SEZ6: variants seen among roughly 807,000 people sequenced by gnomAD.
The protein encoded by SEZ6 is seizure related 6 homolog.
In SEZ6, 53 loss-of-function variants were observed where a neutral mutation model predicts 101.0. That is an observed-to-expected ratio of 0.52 (90% CI 0.42 to 0.66). SEZ6 has a LOEUF of 0.66. SEZ6 is among the 30% of genes least tolerant of loss of function. SEZ6 has a pLI of 0.00. For missense variants in SEZ6, 1,102 were observed against 1,289.4 expected (o/e 0.85, Z 2.23); for synonymous variants, 488 against 512.2 (o/e 0.95, Z 0.64).
Position 29,005,679 on chromosome 17 carries a change from G to T in SEZ6, c.55+136C>A. Reference sequence around the variant, plus strand: ...CGCCCCGCCCGGCTTGGCCGGCGCCGGGGGCAGCGCAGCCGGCGGGGCGCG... The same window carrying T: ...CGCCCCGCCCGGCTTGGCCGGCGCCTGGGGCAGCGCAGCCGGCGGGGCGCG... On this transcript the variant is annotated intron_variant, in intron 1 of 16. Transcript: ENST00000317338. The surrounding 1 kb of genome is among the most constrained non-coding windows in gnomAD (Gnocchi z 4.8). 1.2e-6 allele frequency: 1 copy of T among 817,672 alleles called. No individual in the cohort carries two copies. Among genetic ancestry groups the T allele is most frequent in the Non-Finnish European group, 1.6e-6 (1 of 626,240 alleles). 50.7% of individuals were successfully genotyped at this position (817,672 alleles called of 1,614,324 possible). A position where few individuals can be genotyped will look rare whatever the true frequency, so the allele number is the denominator to read the frequency against.
In SEZ6 at chr17:28,956,187, G is replaced by A. The variant is rs763136294; in HGVS notation, c.2924C>T (p.Ala975Val). The stretch of plus-strand genomic sequence containing the variant: ...AGTCTCGTAAGTTGGATTGTCAAAC[G>A]CTGACTCTATGGTAATGCGGTTGTA... ...RPYNRITIES[A>V]FDNPTYETGS... The change falls in exon 16 of 17, where the codon GCG (alanine) becomes GTG (valine). Residue 975 changes from alanine to valine, a missense_variant. Ala to Val is a moderately conservative substitution (Grantham distance 64). This residue lies in a region of SEZ6 where 140 missense variants were observed against 135.7 expected (regional missense o/e 1.03). Transcript: ENST00000317338. 2.4e-6 allele frequency: 3 copies of A among 1,245,338 alleles called. No individual in the cohort carries two copies. The highest frequency in any genetic ancestry group is 4.7e-5 in the East Asian group (1 of 21,432). 77.1% of individuals were successfully genotyped at this position (1,245,338 alleles called of 1,614,324 possible).
intron 1 of SEZ6, among the ~76,000 whole-genome samples, chr17:28,997,754 G>A (rs1284494730): frequency 6.6e-6 from 1 of 152,152 alleles, no homozygotes; most frequent in Admixed American, 6.5e-5. Context: ...TACAAAAGAG[G>A]TGGGGCAGGG....
chr17:28,961,640 G>A (rs1292336077), intron 5 of SEZ6, among the ~76,000 whole-genome samples: 2 of 152,138 alleles, frequency 1.3e-5, no homozygotes, highest in African/African-American at 4.8e-5. Context: ...ACTGGCTTGG[G>A]GCTGTCCTCT....
At chr17:28,980,660 G>A (rs1168054808) in intron 2 of SEZ6, among the ~76,000 whole-genome samples, 4 of 151,506 alleles carry the variant, frequency 2.6e-5, no homozygotes, top group Non-Finnish European at 5.9e-5. Context: ...GAGCCACCGC[G>A]CCCGGCCAAT....
intron 3 of SEZ6, among the ~76,000 whole-genome samples, chr17:28,971,572 A>G (rs1005316825): frequency 5.9e-5 from 9 of 152,118 alleles, no homozygotes; most frequent in Non-Finnish European, 1.0e-4. Flanking sequence ...CAGCCTGGAC[A>G]ACAAAAGCGA....
chr17:28,998,208 G>C (rs1194651500), intron 1 of SEZ6, among the ~76,000 whole-genome samples: 1 of 152,022 alleles, frequency 6.6e-6, no homozygotes, highest in African/African-American at 2.4e-5. Context: ...AGCAAAAAGG[G>C]GTAAACCAGC....
At chr17:28,990,743 C>T (rs1334676070) in intron 1 of SEZ6, among the ~76,000 whole-genome samples, 3 of 151,834 alleles carry the variant, frequency 2.0e-5, no homozygotes, top group Non-Finnish European at 4.4e-5. Flanking sequence ...TATAAAAAAA[C>T]CCTAGCCTCC....
rs2041270532 is a variant in SEZ6 at position 28,979,670 on chromosome 17, G to A, written c.858+10C>T. On this transcript the variant is annotated intron_variant, in intron 3 of 16. Transcript: ENST00000317338. Reference sequence around the variant, plus strand: ...CCCAGCTTTGCCCTTGCCAGATCCAGATCACTCACCTTGATTTCCACGCCA... The same window carrying A: ...CCCAGCTTTGCCCTTGCCAGATCCAAATCACTCACCTTGATTTCCACGCCA... 6.2e-7 allele frequency: 1 copy of A among 1,613,796 alleles called. No homozygotes were observed. The highest frequency in any genetic ancestry group is 8.5e-7 in the Non-Finnish European group (1 of 1,179,846).
intron 4 of SEZ6, among the ~76,000 whole-genome samples, chr17:28,966,061 T>C (rs1190047288): frequency 1.3e-5 from 2 of 151,372 alleles, no homozygotes; most frequent in Admixed American, 1.3e-4. Flanking sequence ...GAGAATCGCT[T>C]GGACCGGGGA....
In SEZ6 at chr17:28,955,949, C is replaced by G; in HGVS notation, c.*13G>C. On this transcript the variant is annotated 3_prime_UTR_variant, in exon 17 of 17. Coordinates refer to ENST00000317338, the MANE Select transcript of SEZ6 (RefSeq NM_178860.5). ...GTTGACTTCCCTAGACTGCCCCCAC[C>G]TAGATGGAGACTTCATATTCTCTCG... The G allele has an allele frequency of 3.7e-6, 6 of 1,611,744 alleles. No individual in the cohort carries two copies. Among genetic ancestry groups the G allele is most frequent in the Non-Finnish European group, 5.1e-6 (6 of 1,179,016 alleles).
rs2041297064 is a variant in SEZ6 at position 28,981,271 on chromosome 17, AG to A, written c.724+99del. ...CCTGCAGGCTGGCCCTTGGTGCCAAAGGGCAGGGCAGGCTGGCACAGTGTCA... is the reference window on the plus strand; with the variant it reads ...CCTGCAGGCTGGCCCTTGGTGCCAAAGGCAGGGCAGGCTGGCACAGTGTCA... On this transcript the variant is annotated intron_variant, in intron 2 of 16. Transcript: ENST00000317338. The A allele has an allele frequency of 5.5e-6, 8 of 1,448,214 alleles. No homozygotes were observed. The South Asian group carries it at 8.8e-5, about 16-fold the overall frequency. The allele number at this position is 1,448,214 out of a possible 1,614,324, so 89.7% of individuals were successfully genotyped here.
chr17:28,984,440 AG>A (rs1343077644), intron 1 of SEZ6, among the ~76,000 whole-genome samples: 3 of 152,182 alleles, frequency 2.0e-5, no homozygotes, highest in Non-Finnish European at 4.4e-5. Flanking sequence ...CTCTCAGAGT[AG>A]GTACCTGTGT....
At chr17:28,978,926 T>G (rs2041260742) in intron 3 of SEZ6, among the ~76,000 whole-genome samples, 1 of 151,642 alleles carries the variant, frequency 6.6e-6, no homozygotes. Flanking sequence ...GGGGATGAAT[T>G]GATGGGACTG....
intron 2 of SEZ6, among the ~76,000 whole-genome samples, chr17:28,981,125 A>T (rs1567994640): frequency 6.6e-6 from 1 of 151,672 alleles, no homozygotes; most frequent in Non-Finnish European, 1.5e-5. Context: ...TGAACTCCTG[A>T]CCTCAGATGA....
Position 28,981,547 on chromosome 17 carries a change from G to A in SEZ6, c.548C>T (p.Pro183Leu), listed in dbSNP as rs775810803. ...STTPPSRAWT[P>L]TQEGPGDMGR... ...CATGTCTCCAGGACCCTCTTGGGTT[G>A]GTGTCCAGGCTCTGCTGGGGGGTGT... The change falls in exon 2 of 17, where the codon CCA becomes CTA. Residue 183 changes from proline (P) to leucine (L), a missense_variant. This residue lies in a region of SEZ6 where 406 missense variants were observed against 418.6 expected (regional missense o/e 0.97). Coordinates refer to ENST00000317338, the MANE Select transcript of SEZ6 (RefSeq NM_178860.5). 2 of 1,612,656 alleles carry A rather than the reference G, an allele frequency of 1.2e-6. No individual in the cohort carries two copies. Among genetic ancestry groups the A allele is most frequent in the East Asian group, 4.5e-5 (2 of 44,828 alleles).
chr17:29,004,241 A>G (rs1297812228), intron 1 of SEZ6, among the ~76,000 whole-genome samples: 1 of 152,188 alleles, frequency 6.6e-6, no homozygotes, highest in Admixed American at 6.5e-5. Context: ...CTGCCAGGGG[A>G]CAGACACAGG....
At chr17:28,970,359 G>A (rs1327179088) in intron 3 of SEZ6, among the ~76,000 whole-genome samples, 1 of 152,130 alleles carries the variant, frequency 6.6e-6, no homozygotes, top group Non-Finnish European at 1.5e-5. Flanking sequence ...GCAGTATGAG[G>A]TCTTAAATAT....
intron 1 of SEZ6, among the ~76,000 whole-genome samples, chr17:29,004,552 C>T (rs763887983): frequency 3.1e-4 from 47 of 152,328 alleles, no homozygotes; most frequent in Middle Eastern, 3.4e-3. Flanking sequence ...TCCGGGGCCA[C>T]AGTTTTTCTT....
intron 1 of SEZ6, among the ~76,000 whole-genome samples, chr17:28,984,438 G>A (rs2041350008): frequency 6.6e-6 from 1 of 152,202 alleles, no homozygotes; most frequent in African/African-American, 2.4e-5. Flanking sequence ...GGCTCTCAGA[G>A]TAGGTACCTG....
Sources: allele counts gnomAD v4.1 joint callset (sites outside exome capture counted in the v4.1 genomes callset), GRCh38; gene constraint gnomAD v4.1.1; regional missense constraint gnomAD v4.1.1; non-coding constraint Gnocchi (gnomAD v3.1); transcripts MANE v1.5; gene names NCBI Gene and HGNC (gene_info 2026-07-23, HGNC 2026-07-21).